Variants in JAZF1 observed in about 807,000 individuals in gnomAD.
JAZF1 encodes the protein JAZF zinc finger 1.
JAZF1 carries 8 observed loss-of-function variants against 26.4 expected under a neutral mutation model. The ratio of observed to expected loss-of-function variants is 0.30; its 90% confidence interval spans 0.18 to 0.55. JAZF1 has a LOEUF of 0.55. Among genes scored for constraint, JAZF1 ranks in the 20% least tolerant of loss-of-function variants. The pLI, the probability that JAZF1 is intolerant of heterozygous loss-of-function variation, is 0.94. For missense variants in JAZF1, 199 were observed against 322.0 expected, an observed-to-expected ratio of 0.62 and a Z score of 2.92; for synonymous variants, 126 against 122.3, an observed-to-expected ratio of 1.03 and a Z score of -0.20.
chr7:28,148,293 T>C (rs1308970612), intron 1 of JAZF1, among the ~76,000 whole-genome samples: 1 of 152,058 alleles, frequency 6.6e-6, no homozygotes, highest in Admixed American at 6.5e-5. Context: ...CTGGTCTCCA[T>C]CTCCTGACCT....
At chr7:27,954,000 C>G (rs537061431) in intron 2 of JAZF1, among the ~76,000 whole-genome samples, 13 of 152,328 alleles carry the variant, frequency 8.5e-5, no homozygotes, top group Non-Finnish European at 1.0e-4. Flanking sequence ...AACCTCTTCC[C>G]ACCCTGGTGT....
intron 2 of JAZF1, among the ~76,000 whole-genome samples, chr7:27,969,619 G>GA (rs1175188610): frequency 7.2e-5 from 11 of 152,174 alleles, no homozygotes; most frequent in African/African-American, 2.4e-4. Flanking sequence ...AGGGTGGAGT[G>GA]AAAAAACCAA....
rs193177632 is a variant in JAZF1, at chr7:27,895,959, G to T, written c.189-543C>A. 1.0e-3 allele frequency among the ~76,000 whole-genome samples: 157 copies of T among 151,966 alleles called. 1 individual carries two copies. The highest frequency in any genetic ancestry group is 3.7e-3 in the African/African-American group (155 of 41,404). ...GTTTAAAAACTTTTCTTGGCTAATTGAGTCCTTGCTTCCCTAGTCATGAAG... is the reference window on the plus strand; with the variant it reads ...GTTTAAAAACTTTTCTTGGCTAATTTAGTCCTTGCTTCCCTAGTCATGAAG... On this transcript the variant is annotated intron_variant, in intron 2 of 4. Coordinates refer to ENST00000283928, the MANE Select transcript of JAZF1 (RefSeq NM_175061.4).
Position 27,840,956 on chromosome 7 carries a change from G to A in JAZF1, c.386-89C>T, listed in dbSNP as rs535232829. The A allele has an allele frequency of 4.0e-5, 57 of 1,428,660 alleles. No individual in the cohort carries two copies. In the East Asian group the frequency reaches 8.5e-4, roughly 21 times the overall value. 88.5% of individuals were successfully genotyped at this position (1,428,660 alleles called of 1,614,324 possible). ...CACTTCCAGGACAGGAGATGTGGCC[G>A]TGGCAGAGCAGCGCTGACGGCCCAG... On this transcript the variant is annotated intron_variant, in intron 3 of 4. Coordinates refer to ENST00000283928, the MANE Select transcript of JAZF1 (RefSeq NM_175061.4). This position sits in a 1 kb window ranked among gnomAD's most constrained non-coding sequence, Gnocchi z 5.1.
chr7:28,040,643 C>T (rs957622519), intron 1 of JAZF1, among the ~76,000 whole-genome samples: 9 of 152,044 alleles, frequency 5.9e-5, no homozygotes, highest in African/African-American at 2.2e-4. Context: ...ATGAGGGTGT[C>T]GGGGTGTAGA....
chr7:28,140,083 CTTTTT>C, intron 1 of JAZF1, among the ~76,000 whole-genome samples: 1 of 125,126 alleles, frequency 8.0e-6, no homozygotes, highest in Admixed American at 8.1e-5. Flanking sequence ...AGTCACAAAT[CTTTTT>C]TTTTTTTTTT....
At chr7:27,952,279 T>G in intron 2 of JAZF1, among the ~76,000 whole-genome samples, 1 of 151,642 alleles carries the variant, frequency 6.6e-6, no homozygotes, top group Admixed American at 6.6e-5. Context: ...TGGGGAGGGG[T>G]CAGAGAAGAC....
chr7:28,110,637 A>C (rs925024550), intron 1 of JAZF1, among the ~76,000 whole-genome samples: 6 of 144,976 alleles, frequency 4.1e-5, no homozygotes, highest in Admixed American at 1.4e-4. Context: ...AAGGAAAGGA[A>C]AAGGAAAGGA....
chr7:27,914,591 C>T (rs1784414113), intron 2 of JAZF1: 3 of 371,500 alleles, frequency 8.1e-6, no homozygotes, highest in African/African-American at 2.1e-5. Flanking sequence ...AAGTAGCCCT[C>T]ACATCCCTTA....
At chr7:28,130,826 C>A (rs977586255) in intron 1 of JAZF1, among the ~76,000 whole-genome samples, 8 of 152,144 alleles carry the variant, frequency 5.3e-5, no homozygotes, top group Non-Finnish European at 1.5e-5. Context: ...CCGCAACTTC[C>A]TGAACACAAG....
intron 1 of JAZF1, among the ~76,000 whole-genome samples, chr7:28,093,880 A>C (rs913901725): frequency 2.0e-5 from 3 of 152,244 alleles, no homozygotes; most frequent in East Asian, 3.9e-4. Flanking sequence ...AATGAGCTGC[A>C]GACAAAAGTA....
chr7:27,972,631 A>G (rs1309270417), intron 2 of JAZF1, among the ~76,000 whole-genome samples: 1 of 152,212 alleles, frequency 6.6e-6, no homozygotes, highest in Non-Finnish European at 1.5e-5. Flanking sequence ...ATTAATCCAC[A>G]TTGCAGGATT....
At chr7:27,949,447 C>T (rs1205514989) in intron 2 of JAZF1, among the ~76,000 whole-genome samples, 2 of 152,138 alleles carry the variant, frequency 1.3e-5, no homozygotes, top group Non-Finnish European at 2.9e-5. Flanking sequence ...GAAGTGTTGC[C>T]ATGCTCATGC....
intron 1 of JAZF1, among the ~76,000 whole-genome samples, chr7:28,019,087 T>TC (rs1175236795): frequency 6.6e-6 from 1 of 152,204 alleles, no homozygotes; most frequent in Non-Finnish European, 1.5e-5. Flanking sequence ...TCCTTGTGGC[T>TC]CCTCTGTTTA....
intron 3 of JAZF1, among the ~76,000 whole-genome samples, chr7:27,849,312 G>C (rs1250061742): frequency 6.6e-6 from 1 of 152,218 alleles, no homozygotes; most frequent in African/African-American, 2.4e-5. Flanking sequence ...TGCCACCCAG[G>C]TGGCTGTGGT....
chr7:28,090,218 T>C (rs1329406496), intron 1 of JAZF1, among the ~76,000 whole-genome samples: 1 of 152,246 alleles, frequency 6.6e-6, no homozygotes, highest in Admixed American at 6.5e-5. Flanking sequence ...TTGGATAAGA[T>C]TGCCTGTATA....
At chr7:28,036,097 T>C (rs1438951509) in intron 1 of JAZF1, among the ~76,000 whole-genome samples, 1 of 152,230 alleles carries the variant, frequency 6.6e-6, no homozygotes, top group African/African-American at 2.4e-5. Context: ...ACTCAGTAAA[T>C]TATAATCATT....
intron 2 of JAZF1, among the ~76,000 whole-genome samples, chr7:27,973,528 C>T (rs766485172): frequency 3.3e-5 from 5 of 152,238 alleles, no homozygotes; most frequent in Middle Eastern, 3.4e-3. Context: ...CAAACTCCCG[C>T]GCTCAAGTGA....
intron 1 of JAZF1, among the ~76,000 whole-genome samples, chr7:28,038,110 T>C (rs1783325137): frequency 1.3e-5 from 2 of 151,980 alleles, no homozygotes; most frequent in South Asian, 4.1e-4. Flanking sequence ...AGGAAGAAAA[T>C]ACCAGAACCA....
Sources: gnomAD v4.1 joint callset for allele counts (sites outside exome capture counted in the v4.1 genomes callset) on GRCh38, gnomAD v4.1.1 for gene constraint, Gnocchi (gnomAD v3.1) non-coding constraint, MANE v1.5 for transcripts, NCBI Gene and HGNC (gene_info 2026-07-23, HGNC 2026-07-21) for gene names.